The following PMVK variants were observed in gnomAD, a reference collection of about 807,000 sequenced individuals.
PMVK encodes phosphomevalonate kinase.
A neutral mutation model predicts 19.0 loss-of-function variants in PMVK; 10 were observed. The ratio of observed to expected loss-of-function variants is 0.53; its 90% confidence interval spans 0.32 to 0.89. The LOEUF is 0.89. PMVK is among the 40% of genes least tolerant of loss of function. The probability of loss-of-function intolerance (pLI) is 0.03; values close to 1 mark genes in which losing one functional copy is unlikely to be tolerated. For synonymous variants in PMVK, 108 were observed against 101.6 expected (o/e 1.06, Z -0.38); for missense variants, 222 against 251.1 (o/e 0.88, Z 0.78).
At chr1:154,936,077 G>A (rs950046430) in intron 1 of PMVK, among the ~76,000 whole-genome samples, 1 of 152,134 alleles carries the variant, frequency 6.6e-6, no homozygotes, top group Non-Finnish European at 1.5e-5. Flanking sequence ...AAGAGGTGAA[G>A]AGGGTTTTTT....
chr1:154,933,490 CTTTT>C (rs397860434), intron 1 of PMVK, among the ~76,000 whole-genome samples: 2 of 113,990 alleles, frequency 1.8e-5, no homozygotes, highest in South Asian at 2.6e-4. Context: ...CTTAACCAAC[CTTTT>C]TTTTTTTTTT....
At chr1:154,925,443 G>A (rs1654120544) in intron 4 of PMVK, among the ~76,000 whole-genome samples, 178 bp from the exon 5 acceptor site, 1 of 152,184 alleles carries the variant, frequency 6.6e-6, no homozygotes, top group Admixed American at 6.5e-5. Flanking sequence ...GGCAGGTTCA[G>A]TAGCCCATAG....
intron 1 of PMVK, among the ~76,000 whole-genome samples, chr1:154,935,300 C>A (rs192621728): frequency 2.0e-4 from 31 of 152,134 alleles, no homozygotes; most frequent in Non-Finnish European, 4.3e-4. Context: ...TCTGGGCTCT[C>A]CCACACCTTC....
At position 154,926,275 on chromosome 1, in the gene PMVK, T is replaced by A. The variant is rs537102310; in HGVS notation, c.442+79A>T. On this transcript the variant is annotated intron_variant, in intron 4 of 4. Transcript: ENST00000368467. Reference sequence around the variant, plus strand: ...TCTCCTTTATCATCCCTTATTCACTTCCCCCAGGCCTGCCCGGTAGACAAA... The same window carrying A: ...TCTCCTTTATCATCCCTTATTCACTACCCCCAGGCCTGCCCGGTAGACAAA... 2.4e-4 allele frequency: 328 copies of A among 1,383,520 alleles called. 1 individual carries two copies. The African/African-American group carries it at 4.3e-3, about 18-fold the overall frequency. 85.7% of individuals were successfully genotyped at this position (1,383,520 alleles called of 1,614,324 possible). A position where few individuals can be genotyped will look rare whatever the true frequency, so the allele number is the denominator to read the frequency against.
intron 1 of PMVK, 51 bp downstream of exon 1, chr1:154,936,540 G>A (rs1186818354): frequency 6.4e-7 from 1 of 1,555,404 alleles, no homozygotes; most frequent in Non-Finnish European, 8.7e-7. Context: ...CACTCCTCGT[G>A]TCACGTGATG....
At chr1:154,939,133 T>TGCTC (rs1322231211), upstream of PMVK, among the ~76,000 whole-genome samples, 2 of 152,160 alleles carry the variant, frequency 1.3e-5, no homozygotes, top group African/African-American at 4.8e-5. Flanking sequence ...AACACCCCGC[T>TGCTC]GCTCAATCCC....
chr1:154,940,673 T>A (rs1015600944), upstream of PMVK, among the ~76,000 whole-genome samples: 1 of 152,228 alleles, frequency 6.6e-6, no homozygotes, highest in Non-Finnish European at 1.5e-5. Flanking sequence ...GTTGGCAGAC[T>A]GCTCCTGGCA....
At position 154,925,251 on chromosome 1, in the gene PMVK, CA is replaced by C. The variant is rs775839519; in HGVS notation, c.456del (p.Glu153SerfsTer32). 4 of 1,614,164 alleles carry C rather than the reference CA, an allele frequency of 2.5e-6. No homozygotes were observed. The highest frequency in any genetic ancestry group is 3.4e-6 in the Non-Finnish European group (4 of 1,179,988). ...AAGTTGTCCAGGCCACATTCTGACT[CA>C]GCATCGTCCACCCCTATGAAGGAAG... ...GWVFTPGVDD[A>X]ESECGLDNFG... On this transcript the variant is annotated frameshift_variant, in exon 5 of 5. Transcript: ENST00000368467. LOFTEE classifies it high-confidence loss of function.
the PMVK span, among the ~76,000 whole-genome samples, chr1:154,941,977 G>A: frequency 6.6e-6 from 1 of 152,150 alleles, no homozygotes; most frequent in African/African-American, 2.4e-5. Context: ...AGGACGGGAG[G>A]GGGGAATGCA....
intron 3 of PMVK, 112 bp from the exon 4 acceptor site, chr1:154,926,595 A>T (rs2101965851): frequency 2.5e-6 from 2 of 805,450 alleles, no homozygotes; most frequent in Non-Finnish European, 2.0e-6. Flanking sequence ...CCCCCCCATC[A>T]TCGTGAGCAT....
At chr1:154,936,792 A>G (rs1109815), upstream of PMVK, 500,968 of 1,018,386 alleles carry the variant, frequency 0.49, 130,593 homozygotes, top group East Asian at 0.89. Context: ...GCAACAAGGA[A>G]CAATCGCGCC....
chr1:154,925,079 A>G lies in PMVK; in HGVS notation c.*50T>C. ...GGGGACACCCCCATTTTGCAGAGTC[A>G]GCCCCACCCCCACCTCAGCAGGCCC... On this transcript the variant is annotated 3_prime_UTR_variant, in exon 5 of 5. Transcript: ENST00000368467. 1.5e-6 allele frequency: 2 copies of G among 1,339,802 alleles called. No homozygotes were observed. Among genetic ancestry groups the G allele is most frequent in the South Asian group, 1.2e-5 (1 of 82,698 alleles). 83.0% of individuals were successfully genotyped at this position (1,339,802 alleles called of 1,614,324 possible).
intron 3 of PMVK, among the ~76,000 whole-genome samples, chr1:154,928,648 T>C (rs910036077): frequency 3.3e-5 from 5 of 152,056 alleles, no homozygotes; most frequent in African/African-American, 9.7e-5. Flanking sequence ...GGTGGACACC[T>C]GTAGTCCCAG....
In PMVK at chr1:154,929,006, G is replaced by T; in HGVS notation, c.312+18C>A. 6.2e-7 allele frequency: 1 copy of T among 1,610,308 alleles called. No homozygotes were observed. The highest frequency in any genetic ancestry group is 1.1e-5 in the South Asian group (1 of 90,982). On this transcript the variant is annotated intron_variant, in intron 3 of 4. Transcript: ENST00000368467. ...TAGGGAAACAGGTGTTCTTCATGCT[G>T]CCATGGAGCCCTCTTACCCAGATGG...
chr1:154,938,661 C>T (rs1241704559), upstream of PMVK, among the ~76,000 whole-genome samples: 1 of 152,122 alleles, frequency 6.6e-6, no homozygotes, highest in Non-Finnish European at 1.5e-5. Flanking sequence ...CTCCACTGTC[C>T]CTTACTGGTG....
chr1:154,936,786 C>T (rs930177227), upstream of PMVK: 1 of 1,118,776 alleles, frequency 8.9e-7, no homozygotes, highest in Non-Finnish European at 1.3e-6. Context: ...GGAGCGGCAA[C>T]AAGGAACAAT....
chr1:154,934,429 A>C (rs1204150772), intron 1 of PMVK, among the ~76,000 whole-genome samples: 1 of 151,836 alleles, frequency 6.6e-6, no homozygotes, highest in Non-Finnish European at 1.5e-5. Flanking sequence ...CAATCCTCGC[A>C]CCTCAGCCTC....
chr1:154,925,180 G>A lies in PMVK; in HGVS notation c.528C>T (p.Arg176=), dbSNP rs753354198. ...TCAGGTTCTCCAACTGCTCCTCCAG[G>A]CGCTGTTCAACTCCATGGTTCTCGA... is the stretch of plus-strand genomic sequence containing the variant. ...WVIENHGVEQ[R]LEEQLENLIE... is the part of the protein sequence containing the mutation. Residue 176 remains arginine, a synonymous_variant, in exon 5 of 5, where the codon CGC becomes CGT. Transcript: ENST00000368467. The A allele has an allele frequency of 1.4e-5, 23 of 1,613,730 alleles. No individual in the cohort carries two copies. Among genetic ancestry groups the A allele is most frequent in the Non-Finnish European group, 1.9e-5 (23 of 1,179,898 alleles).
chr1:154,941,050 A>T (rs767586865), upstream of PMVK, among the ~76,000 whole-genome samples: 24 of 152,258 alleles, frequency 1.6e-4, no homozygotes, highest in Admixed American at 6.5e-5. Flanking sequence ...TGAGCCCTTA[A>T]GCAAGGAGAG....
Sources: allele counts gnomAD v4.1 joint callset (sites outside exome capture counted in the v4.1 genomes callset), GRCh38; gene constraint gnomAD v4.1.1; transcripts MANE v1.5; gene names NCBI Gene and HGNC (gene_info 2026-07-23, HGNC 2026-07-21).